The following PTPRN2 variants were observed in gnomAD, a reference collection of about 807,000 sequenced individuals.
PTPRN2 encodes the protein receptor-type tyrosine-protein phosphatase N2.
PTPRN2 carries 74 observed loss-of-function variants against 118.8 expected under a neutral mutation model. The observed-to-expected ratio is 0.62, with a 90% CI of 0.52 to 0.76. PTPRN2 has a LOEUF of 0.76. Among genes scored for constraint, PTPRN2 ranks in the 30% least tolerant of loss-of-function variants. PTPRN2 has a pLI of 0.00. For missense variants in PTPRN2, 1,481 were observed against 1,394.4 expected (o/e 1.06, Z -0.99); for synonymous variants, 641 against 608.0 (o/e 1.05, Z -0.80).
At chr7:157,755,603 C>T (rs1427868655) in intron 12 of PTPRN2, among the ~76,000 whole-genome samples, 2 of 152,136 alleles carry the variant, frequency 1.3e-5, no homozygotes, top group African/African-American at 4.8e-5. Context: ...AGGCCATGAT[C>T]CTAAGCAAGC....
intron 11 of PTPRN2, among the ~76,000 whole-genome samples, chr7:157,933,512 G>A (rs955659779): frequency 2.0e-5 from 3 of 147,176 alleles, no homozygotes; most frequent in Non-Finnish European, 4.5e-5. Flanking sequence ...GACAGCTTTA[G>A]AGGAAGGGTG....
intron 5 of PTPRN2, among the ~76,000 whole-genome samples, chr7:158,187,971 C>T (rs1825310900): frequency 1.3e-5 from 2 of 152,174 alleles, no homozygotes; most frequent in African/African-American, 4.8e-5. Context: ...CTCTCCCATT[C>T]CTCTTTCTTG....
At chr7:158,319,679 ACAGC>A (rs1563132390) in intron 2 of PTPRN2, among the ~76,000 whole-genome samples, 109 of 3,858 alleles carry the variant, frequency 0.028, 40 homozygotes, top group African/African-American at 0.21. Flanking sequence ...CCTCACACAC[ACAGC>A]CTCTCTCACA....
At chr7:158,035,711 G>T (rs1169971272) in intron 11 of PTPRN2, among the ~76,000 whole-genome samples, 1 of 152,198 alleles carries the variant, frequency 6.6e-6, no homozygotes, top group Non-Finnish European at 1.5e-5. Context: ...CCACATGAGT[G>T]TCAAATCCTA....
In PTPRN2 at chr7:158,245,136, G is replaced by A. The variant is rs370739690; in HGVS notation, c.278-39863C>T. Among the ~76,000 whole-genome samples, 79 of 152,188 alleles carry A rather than the reference G, an allele frequency of 5.2e-4. 1 individual carries two copies. The highest frequency in any genetic ancestry group is 3.9e-3 in the South Asian group (19 of 4,820). On this transcript the variant is annotated intron_variant, in intron 3 of 22. Coordinates refer to ENST00000389418, the MANE Select transcript of PTPRN2 (RefSeq NM_002847.5). ...GACATCCATGGTCATGCCGGAATCC[G>A]TGGTCATGCCAGAATCCGTGGCCAT...
At chr7:157,975,474 A>G (rs969334363) in intron 11 of PTPRN2, among the ~76,000 whole-genome samples, 1 of 152,092 alleles carries the variant, frequency 6.6e-6, no homozygotes, top group Non-Finnish European at 1.5e-5. Flanking sequence ...GAGTCCCTGA[A>G]TGCAGGCAAA....
rs1289196509 is a variant in PTPRN2 at position 157,596,761 on chromosome 7, C to T, written c.2419-1446G>A. 2.0e-5 allele frequency among the ~76,000 whole-genome samples: 3 copies of T among 152,168 alleles called. No homozygotes were observed. The highest frequency in any genetic ancestry group is 4.4e-5 in the Non-Finnish European group (3 of 68,030). ...GGGAGGCAGCCGCTTGTGCATCTGA[C>T]GCACAGTCCTTTCTTCTATTGTGTC... On this transcript the variant is annotated intron_variant, in intron 16 of 22. Transcript: ENST00000389418. The surrounding 1 kb of genome is among the most constrained non-coding windows in gnomAD (Gnocchi z 4.2).
chr7:158,428,919 T>C (rs968270367), intron 2 of PTPRN2, among the ~76,000 whole-genome samples: 3 of 152,204 alleles, frequency 2.0e-5, no homozygotes. Context: ...AGCTGCACCC[T>C]GGTGCCGGGA....
Position 158,570,667 on chromosome 7 carries a change from A to G in PTPRN2, c.112+16891T>C, listed in dbSNP as rs1827971449. ...TGCTGCGGCGTGTCTCCGCCGTAACACGTGTATACCGGCTCAGCACGCGGC... is the reference window on the plus strand; with the variant it reads ...TGCTGCGGCGTGTCTCCGCCGTAACGCGTGTATACCGGCTCAGCACGCGGC... On this transcript the variant is annotated intron_variant, in intron 1 of 22. Transcript: ENST00000389418. This position sits in a 1 kb window ranked among gnomAD's most constrained non-coding sequence, Gnocchi z 4.5. Among the ~76,000 whole-genome samples, 1 of 152,152 alleles carries G rather than the reference A, an allele frequency of 6.6e-6. No homozygotes were observed. The highest frequency in any genetic ancestry group is 2.4e-5 in the African/African-American group (1 of 41,444).
chr7:157,731,629 G>A (rs113962058), intron 12 of PTPRN2, among the ~76,000 whole-genome samples: 5 of 35,248 alleles, frequency 1.4e-4, no homozygotes, highest in Admixed American at 3.2e-4. Context: ...CGTCCCACGC[G>A]CCCAGCACAG....
At chr7:158,528,036 G>A (rs532071133) in intron 1 of PTPRN2, among the ~76,000 whole-genome samples, 3 of 152,348 alleles carry the variant, frequency 2.0e-5, no homozygotes, top group Admixed American at 6.5e-5. Context: ...ACAGGGTAGG[G>A]GGCAGGCAGG....
intron 13 of PTPRN2, among the ~76,000 whole-genome samples, chr7:157,660,643 A>G (rs73163848): frequency 0.11 from 17,139 of 152,296 alleles, 1,049 homozygotes; most frequent in East Asian, 0.17. Flanking sequence ...TCAAGCATTC[A>G]TGAGTAAGAG....
At chr7:157,575,608 C>A (rs1799993593) in intron 19 of PTPRN2, among the ~76,000 whole-genome samples, 1 of 152,284 alleles carries the variant, frequency 6.6e-6, no homozygotes, top group African/African-American at 2.4e-5. Context: ...ATCTGTAATA[C>A]ACAAATTCAA....
At chr7:158,383,166 G>T (rs1432829145) in intron 2 of PTPRN2, among the ~76,000 whole-genome samples, 1 of 151,936 alleles carries the variant, frequency 6.6e-6, no homozygotes, top group Non-Finnish European at 1.5e-5. Context: ...CGTCCAACAA[G>T]AGTTCAAAAG....
chr7:158,146,959 A>AC (rs1820136352), intron 6 of PTPRN2, among the ~76,000 whole-genome samples: 3 of 144,196 alleles, frequency 2.1e-5, no homozygotes, highest in Non-Finnish European at 4.5e-5. Flanking sequence ...CCTCAATGAC[A>AC]CCCCATCTCA....
chr7:158,174,583 T>G lies in PTPRN2; in HGVS notation c.550-7292A>C, dbSNP rs368277902. Reference sequence around the variant, plus strand: ...GCCATCAGCATCATCAAACCCCTACTGCTGCTGTGTGCCAAGCCCTGGACT... The same window carrying G: ...GCCATCAGCATCATCAAACCCCTACGGCTGCTGTGTGCCAAGCCCTGGACT... On this transcript the variant is annotated intron_variant, in intron 5 of 22. Transcript: ENST00000389418. Among the ~76,000 whole-genome samples the G allele has an allele frequency of 5.7e-3, 861 of 152,290 alleles. 7 individuals are homozygous for G. Among genetic ancestry groups the G allele is most frequent in the African/African-American group, 0.02 (812 of 41,556 alleles).
intron 11 of PTPRN2, among the ~76,000 whole-genome samples, chr7:157,966,007 C>A (rs765710072): frequency 3.3e-5 from 5 of 152,194 alleles, no homozygotes; most frequent in Non-Finnish European, 7.3e-5. Context: ...GTTTCACAGA[C>A]ACAGAGACAC....
chr7:158,333,919 C>CACACTCGTCACTCACACT (rs1427715704), intron 2 of PTPRN2, among the ~76,000 whole-genome samples: 3 of 110,996 alleles, frequency 2.7e-5, no homozygotes, highest in African/African-American at 1.1e-4. Flanking sequence ...TCACTCACAC[C>CACACTCGTCACTCACACT]CACACTCTCA....
At chr7:158,037,220 T>A (rs1366281808) in intron 11 of PTPRN2, among the ~76,000 whole-genome samples, 1 of 152,232 alleles carries the variant, frequency 6.6e-6, no homozygotes, top group Non-Finnish European at 1.5e-5. Context: ...GTTCATTGAA[T>A]GGCAAAGGAA....
Sources: gnomAD v4.1 joint callset for allele counts (sites outside exome capture counted in the v4.1 genomes callset) on GRCh38, gnomAD v4.1.1 for gene constraint, Gnocchi (gnomAD v3.1) non-coding constraint, MANE v1.5 for transcripts, NCBI Gene and HGNC (gene_info 2026-07-23, HGNC 2026-07-21) for gene names.